The following MMRN1 variants were observed in gnomAD, a reference collection of about 807,000 sequenced individuals.
MMRN1 encodes multimerin-1.
MMRN1 carries 94 observed loss-of-function variants against 100.7 expected under a neutral mutation model. The ratio of observed to expected loss-of-function variants is 0.93; its 90% confidence interval spans 0.79 to 1.11. The LOEUF is 1.11. Ranked by LOEUF, MMRN1 falls within the 50% of genes least tolerant of loss-of-function variation. The pLI is 0.00. For missense variants in MMRN1, 1,606 were observed against 1,439.1 expected, an observed-to-expected ratio of 1.12 and a Z score of -1.88; for synonymous variants, 575 against 505.0, an observed-to-expected ratio of 1.14 and a Z score of -1.86.
upstream of MMRN1, among the ~76,000 whole-genome samples, chr4:89,892,528 G>A (rs557703089): frequency 9.9e-5 from 15 of 151,764 alleles, no homozygotes; most frequent in Admixed American, 7.9e-4. Context: ...ACAATTTCTG[G>A]AGTATTTTAT....
chr4:89,905,780 T>C (rs1204071981), intron 1 of MMRN1, among the ~76,000 whole-genome samples: 2 of 151,720 alleles, frequency 1.3e-5, no homozygotes, highest in East Asian at 3.9e-4. Flanking sequence ...GAAAATTATA[T>C]ACCATTGGCT....
In MMRN1 at chr4:89,896,150, G is replaced by T. The variant is rs564935526; in HGVS notation, c.623+556G>T. Among the ~76,000 whole-genome samples, 3 of 152,198 alleles carry T rather than the reference G, an allele frequency of 2.0e-5. 1 individual carries two copies. In the South Asian group the frequency reaches 6.2e-4, roughly 32 times the overall value. ...TCAGTTTCTTCATATGGAAACTACA[G>T]ATTTAATACAAGGAATGTCAATAAA... On this transcript the variant is annotated intron_variant, in intron 1 of 7. Transcript: ENST00000264790.
upstream of MMRN1, among the ~76,000 whole-genome samples, chr4:89,892,730 G>A (rs1721082482): frequency 6.6e-6 from 1 of 151,814 alleles, no homozygotes; most frequent in African/African-American, 2.4e-5. Flanking sequence ...CCTTATAAGT[G>A]GTTAAATGAA....
At chr4:89,902,947 G>A (rs1485468128) in intron 1 of MMRN1, among the ~76,000 whole-genome samples, 1 of 151,750 alleles carries the variant, frequency 6.6e-6, no homozygotes, top group Non-Finnish European at 1.5e-5. Context: ...TACAATAAAA[G>A]AACCACAAAC....
chr4:89,888,692 G>T (rs1013761288), intron 1 of MMRN1, among the ~76,000 whole-genome samples: 23 of 151,784 alleles, frequency 1.5e-4, no homozygotes, highest in African/African-American at 5.6e-4. Context: ...CAAGCTAACT[G>T]CTTATTTTCT....
chr4:89,932,154 G>A (rs560186063), intron 5 of MMRN1, among the ~76,000 whole-genome samples: 20 of 152,234 alleles, frequency 1.3e-4, no homozygotes, highest in Admixed American at 2.0e-4. Context: ...AAGGGGCTAC[G>A]GGCCTCACGC....
At chr4:89,883,407 G>A (rs1720864874) in intron 1 of MMRN1, among the ~76,000 whole-genome samples, 1 of 151,988 alleles carries the variant, frequency 6.6e-6, no homozygotes. Flanking sequence ...TTGGTGCTAT[G>A]AGGCTTTTTA....
At chr4:89,938,657 T>A (rs1290539643) in intron 6 of MMRN1, among the ~76,000 whole-genome samples, 1 of 151,508 alleles carries the variant, frequency 6.6e-6, no homozygotes, top group Non-Finnish European at 1.5e-5. Flanking sequence ...AAAAATTGTA[T>A]CTAGATACTT....
chr4:89,941,553 C>T (rs539779251), intron 6 of MMRN1, among the ~76,000 whole-genome samples: 4 of 152,122 alleles, frequency 2.6e-5, no homozygotes, highest in Admixed American at 6.6e-5. Flanking sequence ...GCATCCTCTG[C>T]CTAGGACATA....
chr4:89,944,158 A>G (rs115614753), intron 6 of MMRN1, among the ~76,000 whole-genome samples: 4,377 of 152,226 alleles, frequency 0.029, 144 homozygotes, highest in African/African-American at 0.077. Flanking sequence ...TATTTATCTA[A>G]CTTGTATTCA....
intron 1 of MMRN1, 82 bp downstream of exon 1, chr4:89,895,676 A>C: frequency 7.6e-6 from 11 of 1,454,458 alleles, no homozygotes; most frequent in Non-Finnish European, 1.0e-5. Context: ...TCACTCCCAG[A>C]AAATTATTTC....
rs1260533873 is a variant in MMRN1, at chr4:89,895,269, C to G, written c.298C>G (p.Leu100Val). Residue 100 changes from leucine to valine, a missense_variant, in exon 1 of 8, where the codon CTC (leucine) becomes GTC (valine). Transcript: ENST00000264790. ...TGCTGAGGGTGTGAGAAATCAAACT[C>G]TCACATCCACAGAGAAAGCAGAAGG... The part of the protein sequence containing the change: ...APAEGVRNQT[L>V]TSTEKAEGVV... 2 of 1,613,736 alleles carry G rather than the reference C, an allele frequency of 1.2e-6. No homozygotes were observed. Among genetic ancestry groups the G allele is most frequent in the African/African-American group, 2.7e-5 (2 of 74,888 alleles).
intron 1 of MMRN1, among the ~76,000 whole-genome samples, chr4:89,897,594 T>C (rs1257607501): frequency 6.6e-6 from 1 of 152,192 alleles, no homozygotes; most frequent in Non-Finnish European, 1.5e-5. Flanking sequence ...ACATACCATA[T>C]AGAAAGTGGC....
upstream of MMRN1, among the ~76,000 whole-genome samples, chr4:89,893,976 G>C (rs889246685): frequency 2.7e-4 from 41 of 152,174 alleles, no homozygotes; most frequent in African/African-American, 9.4e-4. Flanking sequence ...AGAAAACTCA[G>C]ATAAATCTGG....
intron 6 of MMRN1, among the ~76,000 whole-genome samples, chr4:89,946,046 A>C (rs926389179): frequency 6.6e-6 from 1 of 152,220 alleles, no homozygotes; most frequent in Admixed American, 6.5e-5. Flanking sequence ...AGTTGCTGGC[A>C]ATGGGCATAT....
At position 89,936,095 on chromosome 4, in the gene MMRN1, C is replaced by A. The variant is rs566715874; in HGVS notation, c.2415C>A (p.Thr805=). 5.0e-6 allele frequency: 8 copies of A among 1,612,240 alleles called. 1 individual carries two copies. In the African/African-American group the frequency reaches 5.3e-5, roughly 11 times the overall value. ...RYNFVLQVAK[T]LAGIPRDEKL... ...ACTTTGTTTTGCAAGTCGCCAAGAC[C>A]CTTGCAGGTATTCCCAGAGATGAGA... is the stretch of plus-strand genomic sequence containing the variant. Residue 805 remains threonine (T), a synonymous_variant, in exon 6 of 8, where the codon ACC becomes ACA. Coordinates refer to ENST00000264790, the MANE Select transcript of MMRN1 (RefSeq NM_007351.3).
chr4:89,932,648 C>T (rs1178324116), intron 5 of MMRN1, among the ~76,000 whole-genome samples: 1 of 152,214 alleles, frequency 6.6e-6, no homozygotes, highest in Non-Finnish European at 1.5e-5. Flanking sequence ...ATGTAAGCCA[C>T]AGGCTTGGGG....
Position 89,936,604 on chromosome 4 carries a change from C to A in MMRN1, c.2924C>A (p.Thr975Asn). 6 of 1,611,924 alleles carry A rather than the reference C, an allele frequency of 3.7e-6. No individual in the cohort carries two copies. Among genetic ancestry groups the A allele is most frequent in the Non-Finnish European group, 5.1e-6 (6 of 1,179,284 alleles). The change falls in exon 6 of 8, where the codon ACT becomes AAT. Residue 975 changes from threonine (T) to asparagine (N), a missense_variant. Thr to Asn is a moderately conservative substitution (Grantham distance 65). Coordinates refer to ENST00000264790, the MANE Select transcript of MMRN1 (RefSeq NM_007351.3). ...EFVEPIIQIK[T>N]QAALSNLTCC... ...GTGGAACCAATAATTCAAATAAAAA[C>A]TCAAGCTGCCCTATCTAATTTAACT...
chr4:89,914,873 C>A (rs979511045), intron 3 of MMRN1, among the ~76,000 whole-genome samples: 1 of 151,440 alleles, frequency 6.6e-6, no homozygotes, highest in East Asian at 1.9e-4. Flanking sequence ...GATTTAAATA[C>A]AAATAGTGTT....
Sources: gnomAD v4.1 joint callset for allele counts (sites outside exome capture counted in the v4.1 genomes callset) on GRCh38, gnomAD v4.1.1 for gene constraint, MANE v1.5 for transcripts, NCBI Gene and HGNC (gene_info 2026-07-23, HGNC 2026-07-21) for gene names.